Variants in DRC5 observed in about 807,000 individuals in gnomAD.
DRC5 encodes T-complex-associated testis-expressed protein 1.
chr6:44,283,809 ATTTCAGCTT>A, the DRC5 span, among the ~76,000 whole-genome samples: 1 of 152,126 alleles, frequency 6.6e-6, no homozygotes, highest in Non-Finnish European at 1.5e-5. Context: ...TACAACAACT[ATTTCAGCTT>A]TTTGCAGCCT....
At chr6:44,296,414 AAC>A in the DRC5 span, among the ~76,000 whole-genome samples, 2 of 152,212 alleles carry the variant, frequency 1.3e-5, no homozygotes, top group Non-Finnish European at 2.9e-5. Flanking sequence ...CAAGGAGCCC[AAC>A]AGAGTGCTGC....
the DRC5 span, among the ~76,000 whole-genome samples, chr6:44,292,587 C>T: frequency 0.68 from 103,614 of 152,036 alleles, 36,300 homozygotes; most frequent in Non-Finnish European, 0.77. Context: ...GTGTTTGGGG[C>T]GGCTCCACTG....
the DRC5 span, chr6:44,287,660 C>T: frequency 6.2e-7 from 1 of 1,614,172 alleles, no homozygotes; most frequent in Non-Finnish European, 8.5e-7. Flanking sequence ...CGGATATTGG[C>T]CCTGGGATGT....
the DRC5 span, among the ~76,000 whole-genome samples, chr6:44,294,462 A>G: frequency 6.6e-6 from 1 of 152,010 alleles, no homozygotes; most frequent in Non-Finnish European, 1.5e-5. Context: ...GGGGCAAGGG[A>G]GGCGGGATAT....
the DRC5 span, chr6:44,280,525 A>T: frequency 0.76 from 491,520 of 643,428 alleles, 190,418 homozygotes; most frequent in Non-Finnish European, 0.81. Flanking sequence ...GTGACGCATG[A>T]TGACATATTC....
At chr6:44,290,661 A>G in the DRC5 span, among the ~76,000 whole-genome samples, 1 of 152,196 alleles carries the variant, frequency 6.6e-6, no homozygotes, top group African/African-American at 2.4e-5. Flanking sequence ...AAAACATTCT[A>G]TAATTTCCCT....
the DRC5 span, chr6:44,282,027 T>C: frequency 7.5e-7 from 1 of 1,332,618 alleles, no homozygotes; most frequent in South Asian, 1.4e-5. Flanking sequence ...ATGTAAACTC[T>C]GTGATCTTCA....
the DRC5 span, among the ~76,000 whole-genome samples, chr6:44,286,953 G>A: frequency 2.6e-5 from 4 of 152,226 alleles, no homozygotes; most frequent in Non-Finnish European, 5.9e-5. Context: ...TGTCCCACGT[G>A]CTGGAGATAG....
At chr6:44,292,418 A>G in the DRC5 span, among the ~76,000 whole-genome samples, 1 of 152,016 alleles carries the variant, frequency 6.6e-6, no homozygotes, top group Non-Finnish European at 1.5e-5. Flanking sequence ...GTCAGACCCC[A>G]TCTTTCCAGT....
the DRC5 span, among the ~76,000 whole-genome samples, chr6:44,283,937 A>T: frequency 6.6e-6 from 1 of 152,192 alleles, no homozygotes; most frequent in African/African-American, 2.4e-5. Flanking sequence ...GATACCAAGC[A>T]CTGACTTATT....
At chr6:44,292,400 C>T in the DRC5 span, among the ~76,000 whole-genome samples, 3 of 152,202 alleles carry the variant, frequency 2.0e-5, no homozygotes, top group South Asian at 6.2e-4. Context: ...AAAACAACCC[C>T]TCCCGTTGTC....
chr6:44,285,445 A>T, the DRC5 span, among the ~76,000 whole-genome samples: 1 of 152,186 alleles, frequency 6.6e-6, no homozygotes, highest in Non-Finnish European at 1.5e-5. Context: ...GCTGGAGTGC[A>T]GTGGTGTGAT....
At chr6:44,280,255 G>A in the DRC5 span, 22 of 1,614,112 alleles carry the variant, frequency 1.4e-5, no homozygotes, top group East Asian at 1.1e-4. Context: ...GCCCGCTGGC[G>A]GGCTGCTTCT....
At chr6:44,284,410 CCT>C in the DRC5 span, among the ~76,000 whole-genome samples, 2 of 152,028 alleles carry the variant, frequency 1.3e-5, no homozygotes, top group African/African-American at 2.4e-5. Flanking sequence ...TTGGCTCTCC[CCT>C]GTGAGACTCC....
chr6:44,296,722 T>G, the DRC5 span, among the ~76,000 whole-genome samples: 1 of 149,078 alleles, frequency 6.7e-6, no homozygotes, highest in African/African-American at 2.5e-5. Flanking sequence ...GAGCTGGCTT[T>G]GCACCCACTG....
At chr6:44,296,502 C>G in the DRC5 span, among the ~76,000 whole-genome samples, 2 of 152,236 alleles carry the variant, frequency 1.3e-5, no homozygotes, top group African/African-American at 4.8e-5. Flanking sequence ...CCTCAGGTCC[C>G]CAGCTAAATC....
At chr6:44,285,893 G>T in the DRC5 span, 2 of 1,364,504 alleles carry the variant, frequency 1.5e-6, no homozygotes, top group Non-Finnish European at 2.0e-6. Flanking sequence ...TAATAGAGGA[G>T]GAAGAGGAGG....
chr6:44,294,772 C>A, the DRC5 span, among the ~76,000 whole-genome samples: 229 of 88,704 alleles, frequency 2.6e-3, no homozygotes, highest in Middle Eastern at 6.3e-3. Context: ...AACTCTGTCT[C>A]AAAAAAAAAA....
chr6:44,290,003 G>A, the DRC5 span, among the ~76,000 whole-genome samples: 1 of 152,224 alleles, frequency 6.6e-6, no homozygotes, highest in Admixed American at 6.5e-5. Flanking sequence ...GGCATCTCAA[G>A]GAGGAAAAGC....
Sources: gnomAD v4.1 joint callset for allele counts (sites outside exome capture counted in the v4.1 genomes callset) on GRCh38, gnomAD v4.1.1 for gene constraint, MANE v1.5 for transcripts, NCBI Gene and HGNC (gene_info 2026-07-23, HGNC 2026-07-21) for gene names.